Variants in ADAM17 observed in about 807,000 individuals in gnomAD.
ADAM17 encodes ADAM metallopeptidase domain 17.
Under a neutral mutation model 96.7 loss-of-function variants are expected in ADAM17, and 39 were observed. That is an observed-to-expected ratio of 0.40 (90% confidence interval 0.31 to 0.53). The LOEUF (loss-of-function observed/expected upper bound fraction) is 0.53, where lower values mean the gene tolerates loss of function less well. Among genes scored for constraint, ADAM17 ranks in the 20% least tolerant of loss-of-function variants. The probability of loss-of-function intolerance (pLI) is 0.44; values close to 1 mark genes in which losing one functional copy is unlikely to be tolerated. For missense variants in ADAM17, 777 were observed against 1,013.2 expected, an observed-to-expected ratio of 0.77 and a Z score of 3.17; for synonymous variants, 344 against 359.2, an observed-to-expected ratio of 0.96 and a Z score of 0.48.
intron 10 of ADAM17, among the ~76,000 whole-genome samples, chr2:9,512,844 T>C (rs1254675231): frequency 6.6e-6 from 1 of 152,124 alleles, no homozygotes; most frequent in East Asian, 1.9e-4. Flanking sequence ...CCAGAGAGCA[T>C]TTTGAATACA....
intron 18 of ADAM17, 95 bp from the exon 19 acceptor site, chr2:9,490,613 T>G: frequency 1.6e-6 from 2 of 1,282,504 alleles, no homozygotes; most frequent in Non-Finnish European, 2.1e-6. Context: ...CCTCTTATTC[T>G]GTTGGCACTG....
chr2:9,501,415 C>A (rs1662997231), intron 13 of ADAM17, among the ~76,000 whole-genome samples: 1 of 152,118 alleles, frequency 6.6e-6, no homozygotes, highest in South Asian at 2.1e-4. Flanking sequence ...TGTGACTACA[C>A]AATGACACTC....
intron 1 of ADAM17, 92 bp downstream of exon 1, chr2:9,555,417 G>T: frequency 1.8e-6 from 2 of 1,087,546 alleles, no homozygotes; most frequent in Non-Finnish European, 2.5e-6. Flanking sequence ...CCAATACCCC[G>T]CCCCCAAACA....
At position 9,555,786 on chromosome 2, in the gene ADAM17, G is replaced by A. The variant is rs1665735326; in HGVS notation, c.-181C>T. 1 of 475,144 alleles carries A rather than the reference G, an allele frequency of 2.1e-6. No individual in the cohort carries two copies. 29.4% of individuals were successfully genotyped at this position (475,144 alleles called of 1,614,324 possible). ...CAGGCTCGACGCCCCCAGAAGTGCA[G>A]GTGGCGTTACCAAAGGCCGGCTCAG... On this transcript the variant is annotated 5_prime_UTR_variant, in exon 1 of 19. Transcript: ENST00000310823.
chr2:9,532,916 C>A (rs529107281), intron 4 of ADAM17, among the ~76,000 whole-genome samples: 1 of 152,098 alleles, frequency 6.6e-6, no homozygotes, highest in South Asian at 2.1e-4. Context: ...TCTAGCTGGG[C>A]GTGGTGGCTC....
intron 2 of ADAM17, among the ~76,000 whole-genome samples, chr2:9,538,827 G>A (rs753079282): frequency 5.9e-5 from 9 of 151,804 alleles, no homozygotes; most frequent in Non-Finnish European, 1.2e-4. Context: ...TTTCTTTAAC[G>A]TTTTATCTTT....
intron 11 of ADAM17, among the ~76,000 whole-genome samples, chr2:9,506,515 T>C (rs372809775): frequency 6.6e-6 from 1 of 151,954 alleles, no homozygotes; most frequent in Non-Finnish European, 1.5e-5. Context: ...TACAGGTGCA[T>C]GCCACCACGC....
intron 8 of ADAM17, 43 bp downstream of exon 8, chr2:9,521,160 G>C (rs1379216296): frequency 3.5e-6 from 5 of 1,417,126 alleles, no homozygotes; most frequent in Non-Finnish European, 4.0e-6. Context: ...TATCAGAAAT[G>C]ACAAAGTGGT....
chr2:9,551,785 T>C (rs1665598408), intron 1 of ADAM17, among the ~76,000 whole-genome samples: 1 of 152,162 alleles, frequency 6.6e-6, no homozygotes. Flanking sequence ...GTAACTTTTT[T>C]TGCATGAAAA....
At chr2:9,518,936 C>T (rs983992531) in intron 8 of ADAM17, among the ~76,000 whole-genome samples, 1 of 151,730 alleles carries the variant, frequency 6.6e-6, no homozygotes, top group Non-Finnish European at 1.5e-5. Context: ...GACAGGGTCT[C>T]GCTGTGTCAC....
chr2:9,533,984 C>A (rs942082897), intron 4 of ADAM17, among the ~76,000 whole-genome samples: 12 of 152,208 alleles, frequency 7.9e-5, no homozygotes, highest in African/African-American at 2.7e-4. Flanking sequence ...CAGACTATTA[C>A]CTATCATCCA....
At chr2:9,553,415 T>G (rs1265999098) in intron 1 of ADAM17, among the ~76,000 whole-genome samples, 1 of 151,408 alleles carries the variant, frequency 6.6e-6, no homozygotes, top group Non-Finnish European at 1.5e-5. Flanking sequence ...GGCTCAAGCC[T>G]TTAATCCCAG....
intron 4 of ADAM17, among the ~76,000 whole-genome samples, chr2:9,532,725 C>T (rs1267832987): frequency 6.8e-6 from 1 of 147,576 alleles, no homozygotes; most frequent in African/African-American, 2.5e-5. Context: ...TGGGCTCAAG[C>T]AGTCCACCCG....
At chr2:9,519,216 A>C (rs1279800335) in intron 8 of ADAM17, among the ~76,000 whole-genome samples, 1 of 152,200 alleles carries the variant, frequency 6.6e-6, no homozygotes, top group African/African-American at 2.4e-5. Flanking sequence ...TCAATGTTTA[A>C]AATGCTTTAA....
intron 2 of ADAM17, among the ~76,000 whole-genome samples, chr2:9,537,130 G>A (rs530285977): frequency 5.9e-5 from 9 of 152,142 alleles, no homozygotes; most frequent in Non-Finnish European, 1.0e-4. Context: ...ACATGACTGC[G>A]TAGTTAAGTT....
chr2:9,516,549 G>A (rs1333373340), intron 10 of ADAM17, among the ~76,000 whole-genome samples: 1 of 152,022 alleles, frequency 6.6e-6, no homozygotes. Context: ...AGGGGTTCAT[G>A]AGACCAGCCT....
rs1203306726 is a variant in ADAM17, at chr2:9,508,295, C to CA, written c.1344+1683dup. Among the ~76,000 whole-genome samples the CA allele has an allele frequency of 3.9e-5, 6 of 152,290 alleles. No individual in the cohort carries two copies. In the South Asian group the frequency reaches 1.2e-3, roughly 32 times the overall value. ...ATCTATGAAGTAGACAGGATGGTAT[C>CA]ATGAATGCCCCCGTGCCCCTCACCA... On this transcript the variant is annotated intron_variant, in intron 11 of 18. Transcript: ENST00000310823.
intron 11 of ADAM17, among the ~76,000 whole-genome samples, chr2:9,508,521 T>G (rs564103443): frequency 6.6e-6 from 1 of 152,368 alleles, no homozygotes; most frequent in South Asian, 2.1e-4. Context: ...ACCATTGCTA[T>G]AAGTCAATTT....
At chr2:9,491,040 CTT>C in intron 18 of ADAM17, 59 bp downstream of exon 18, 1 of 1,495,716 alleles carries the variant, frequency 6.7e-7, no homozygotes, top group East Asian at 2.3e-5. Flanking sequence ...AGGTGAAGGT[CTT>C]TGCCTAACAG....
Sources: allele counts gnomAD v4.1 joint callset (sites outside exome capture counted in the v4.1 genomes callset), GRCh38; gene constraint gnomAD v4.1.1; transcripts MANE v1.5; gene names NCBI Gene and HGNC (gene_info 2026-07-23, HGNC 2026-07-21).